Variants in RBM27 observed in about 807,000 individuals in gnomAD.
The protein encoded by RBM27 is RNA binding motif protein 27.
A neutral mutation model predicts 135.3 loss-of-function variants in RBM27; 22 were observed. The ratio of observed to expected loss-of-function variants is 0.16; its 90% CI spans 0.12 to 0.23. The LOEUF (loss-of-function observed/expected upper bound fraction) is 0.23. RBM27 is among the 10% of genes least tolerant of loss of function. The probability of loss-of-function intolerance (pLI) is 1.00; values close to 1 mark genes in which losing one functional copy is unlikely to be tolerated. For synonymous variants in RBM27, 481 were observed against 442.4 expected (o/e 1.09, Z -1.10); for missense variants, 1,009 against 1,281.0 (o/e 0.79, Z 3.24).
intron 1 of RBM27, among the ~76,000 whole-genome samples, chr5:146,217,077 C>T (rs1209946443): frequency 1.3e-5 from 2 of 152,104 alleles, no homozygotes; most frequent in Non-Finnish European, 2.9e-5. Flanking sequence ...AGCGATTCTC[C>T]TGCCTCAGCC....
Position 146,260,907 on chromosome 5 carries a change from G to C in RBM27, c.1893+9G>C. On this transcript the variant is annotated intron_variant, in intron 12 of 20. Transcript: ENST00000265271. ...CTATTGTTAATATCCAGGTAAATGTGGCTATGTCAGTGACAGAATCCAGGC... is the reference window on the plus strand; with the variant it reads ...CTATTGTTAATATCCAGGTAAATGTCGCTATGTCAGTGACAGAATCCAGGC... The C allele has an allele frequency of 6.2e-7, 1 of 1,601,500 alleles. No homozygotes were observed. The highest frequency in any genetic ancestry group is 1.1e-5 in the South Asian group (1 of 88,042).
chr5:146,206,961 A>T (rs1356848821), intron 1 of RBM27, among the ~76,000 whole-genome samples: 3 of 152,176 alleles, frequency 2.0e-5, no homozygotes, highest in Non-Finnish European at 4.4e-5. Flanking sequence ...TGCAGATACC[A>T]CATATATTTT....
At chr5:146,280,343 C>G (rs1759284044) in intron 19 of RBM27, among the ~76,000 whole-genome samples, 1 of 152,170 alleles carries the variant, frequency 6.6e-6, no homozygotes, top group South Asian at 2.1e-4. Flanking sequence ...GCATGTGCCA[C>G]CACGCCCGAC....
At chr5:146,259,727 A>G (rs1333898991) in intron 11 of RBM27, among the ~76,000 whole-genome samples, 5 of 149,062 alleles carry the variant, frequency 3.4e-5, no homozygotes, top group Non-Finnish European at 6.0e-5. Flanking sequence ...TAATCCCAGC[A>G]CTTTGGGAGG....
chr5:146,238,665 T>G (rs1757271631), intron 8 of RBM27, among the ~76,000 whole-genome samples: 1 of 152,168 alleles, frequency 6.6e-6, no homozygotes, highest in Non-Finnish European at 1.5e-5. Context: ...AGATTTTTTT[T>G]TTTTTTTTTA....
intron 7 of RBM27, 45 bp from the exon 8 acceptor site, chr5:146,237,253 G>A (rs750710759): frequency 6.2e-7 from 1 of 1,609,626 alleles, no homozygotes; most frequent in South Asian, 1.1e-5. Context: ...CTTTTATTAG[G>A]AAATATTAAT....
intron 1 of RBM27, among the ~76,000 whole-genome samples, chr5:146,204,483 GTAT>G (rs1755539669): frequency 6.6e-6 from 1 of 152,168 alleles, no homozygotes; most frequent in Admixed American, 6.5e-5. Flanking sequence ...GGATTTTAAA[GTAT>G]TATTGAGGGC....
intron 11 of RBM27, among the ~76,000 whole-genome samples, 199 bp downstream of exon 11, chr5:146,258,792 G>T (rs62372769): frequency 1.3e-5 from 2 of 148,982 alleles, no homozygotes; most frequent in South Asian, 2.1e-4. Context: ...TTTAAAAGAC[G>T]TAGTCATCCA....
intron 13 of RBM27, among the ~76,000 whole-genome samples, chr5:146,262,408 C>G (rs999599457): frequency 5.9e-5 from 9 of 152,112 alleles, no homozygotes; most frequent in African/African-American, 1.9e-4. Flanking sequence ...GGAATTTTGC[C>G]TGTTGTGTCC....
rs1013031237 is a variant in RBM27 at position 146,288,063 on chromosome 5, T to G, written c.*2033T>G. 2.7e-5 allele frequency: 4 copies of G among 147,936 alleles called. No homozygotes were observed. The highest frequency in any genetic ancestry group is 3.9e-4 in the East Asian group (2 of 5,092). 9.2% of individuals were successfully genotyped at this position (147,936 alleles called of 1,614,324 possible). On this transcript the variant is annotated 3_prime_UTR_variant, in exon 21 of 21. Transcript: ENST00000265271. ...TAATTTTGTAAATAATTTGTTTGGGTTTTTTTTTTGTGTACTAAAACTACC... is the reference window on the plus strand; with the variant it reads ...TAATTTTGTAAATAATTTGTTTGGGGTTTTTTTTTGTGTACTAAAACTACC...
chr5:146,284,864 A>T, intron 20 of RBM27, 132 bp downstream of exon 20: 1 of 565,158 alleles, frequency 1.8e-6, no homozygotes, highest in Non-Finnish European at 3.1e-6. Context: ...ACCCGTTTAG[A>T]TGTTTATTAG....
chr5:146,262,312 T>A (rs1472745951), intron 13 of RBM27, among the ~76,000 whole-genome samples: 1 of 152,226 alleles, frequency 6.6e-6, no homozygotes, highest in Non-Finnish European at 1.5e-5. Context: ...CAGTCTTTTT[T>A]GTGTCTACCC....
intron 12 of RBM27, 109 bp from the exon 13 acceptor site, chr5:146,261,401 G>A (rs1758388803): frequency 1.1e-6 from 1 of 901,422 alleles, no homozygotes; most frequent in African/African-American, 1.7e-5. Context: ...TGGAGTTTAG[G>A]GCTTTAACAT....
chr5:146,217,068 G>A (rs1050103527), intron 1 of RBM27, among the ~76,000 whole-genome samples: 1 of 152,142 alleles, frequency 6.6e-6, no homozygotes, highest in Non-Finnish European at 1.5e-5. Flanking sequence ...CCGGGTTCAA[G>A]CGATTCTCCT....
intron 10 of RBM27, among the ~76,000 whole-genome samples, chr5:146,256,298 A>C (rs1185491168): frequency 6.8e-6 from 1 of 146,782 alleles, no homozygotes; most frequent in Non-Finnish European, 1.5e-5. Flanking sequence ...TATTTTATAT[A>C]TATATTATTT....
At chr5:146,240,161 A>G (rs983477476) in intron 8 of RBM27, among the ~76,000 whole-genome samples, 3 of 151,892 alleles carry the variant, frequency 2.0e-5, no homozygotes, top group Non-Finnish European at 4.4e-5. Flanking sequence ...GGTAATGCCA[A>G]TTATACCCTT....
At chr5:146,242,527 A>G (rs973325245) in intron 8 of RBM27, among the ~76,000 whole-genome samples, 1 of 152,236 alleles carries the variant, frequency 6.6e-6, no homozygotes, top group Non-Finnish European at 1.5e-5. Flanking sequence ...AATTTTGAAG[A>G]CTAGTAGAGT....
At position 146,263,591 on chromosome 5, in the gene RBM27, A is replaced by G; in HGVS notation, c.2291A>G (p.His764Arg). 2 of 1,614,168 alleles carry G rather than the reference A, an allele frequency of 1.2e-6. No homozygotes were observed. The highest frequency in any genetic ancestry group is 2.2e-5 in the East Asian group (1 of 44,882). The part of the protein sequence containing the change: ...HAGGNQSDAS[H>R]LLNQSGGAGE... ...GGTGGTAACCAGAGTGATGCATCACATTTGTTGAATCAGTCTGGTGGTGCT... is the reference window on the plus strand; with the variant it reads ...GGTGGTAACCAGAGTGATGCATCACGTTTGTTGAATCAGTCTGGTGGTGCT... The change falls in exon 14 of 21, where the codon CAT becomes CGT. Residue 764 changes from histidine (H) to arginine (R), a missense_variant. Coordinates refer to ENST00000265271, the MANE Select transcript of RBM27 (RefSeq NM_018989.2).
At chr5:146,276,625 A>G (rs1339944920) in intron 19 of RBM27, among the ~76,000 whole-genome samples, 1 of 152,246 alleles carries the variant, frequency 6.6e-6, no homozygotes, top group Non-Finnish European at 1.5e-5. Context: ...GTACATGGAA[A>G]TGATACTTTA....
Sources: allele counts gnomAD v4.1 joint callset (sites outside exome capture counted in the v4.1 genomes callset), GRCh38; gene constraint gnomAD v4.1.1; transcripts MANE v1.5; gene names NCBI Gene and HGNC (gene_info 2026-07-23, HGNC 2026-07-21).